Variants in SAMMSON observed in about 807,000 individuals in gnomAD.
SAMMSON encodes the protein long intergenic non-protein coding RNA 1212.
intron 3 of SAMMSON, among the ~76,000 whole-genome samples, chr3:70,022,317 A>C (rs1449322701): frequency 6.6e-6 from 1 of 151,030 alleles, no homozygotes; most frequent in East Asian, 2.0e-4. Flanking sequence ...AGATATACCT[A>C]ATGCTAAATG....
chr3:70,120,330 G>A (rs947660610), intron 4 of SAMMSON: 3 of 152,210 alleles, frequency 2.0e-5, no homozygotes, highest in African/African-American at 4.8e-5. Context: ...TTTAGAAGGC[G>A]AGTCGGTCAG....
chr3:70,299,419 T>G (rs1490961846), intron 7 of SAMMSON, among the ~76,000 whole-genome samples: 1 of 152,114 alleles, frequency 6.6e-6, no homozygotes, highest in Non-Finnish European at 1.5e-5. Flanking sequence ...TTTCATATTC[T>G]AATTTTTCTA....
At chr3:70,191,804 T>C (rs187086438) in intron 4 of SAMMSON, among the ~76,000 whole-genome samples, 6 of 151,924 alleles carry the variant, frequency 3.9e-5, no homozygotes, top group Admixed American at 3.9e-4. Context: ...AATGAACAGA[T>C]TTGGCCTCAA....
At chr3:70,309,945 C>G (rs1285971462) in intron 7 of SAMMSON, among the ~76,000 whole-genome samples, 1 of 151,990 alleles carries the variant, frequency 6.6e-6, no homozygotes, top group African/African-American at 2.4e-5. Flanking sequence ...AATTGATTGG[C>G]CTATCAATTT....
At chr3:70,311,869 A>G in intron 7 of SAMMSON, 1 of 397,694 alleles carries the variant, frequency 2.5e-6, no homozygotes, top group Non-Finnish European at 4.4e-6. Context: ...TAGAAAATCA[A>G]GAGCAAGAAG....
chr3:70,118,714 T>TGTGG (rs1407162647), intron 4 of SAMMSON, among the ~76,000 whole-genome samples: 1 of 152,184 alleles, frequency 6.6e-6, no homozygotes, highest in African/African-American at 2.4e-5. Flanking sequence ...AAACTAATGT[T>TGTGG]GTGGGGACCC....
Position 70,111,925 on chromosome 3 carries a change from C to G in SAMMSON, n.507+40360C>G, listed in dbSNP as rs187926471. 4.6e-5 allele frequency among the ~76,000 whole-genome samples: 7 copies of G among 151,988 alleles called. No homozygotes were observed. The East Asian group carries it at 1.2e-3, about 25-fold the overall frequency. On this transcript the variant is annotated intron_variant and non_coding_transcript_variant, in intron 4 of 9. Coordinates refer to ENST00000642114, the Ensembl canonical transcript of SAMMSON. ...CCCAGAGTCATAGAGAATTGGAAAA[C>G]AAGAAAGGGACATTAAAAGTCTTGA... is the stretch of plus-strand genomic sequence containing the variant.
intron 4 of SAMMSON, among the ~76,000 whole-genome samples, chr3:70,173,166 T>C (rs1700976588): frequency 6.6e-6 from 1 of 151,992 alleles, no homozygotes; most frequent in South Asian, 2.1e-4. Context: ...CTGATAGAGA[T>C]ATTATTACCC....
At chr3:70,245,932 C>T (rs1192422094) in intron 4 of SAMMSON, among the ~76,000 whole-genome samples, 2 of 150,936 alleles carry the variant, frequency 1.3e-5, no homozygotes, top group Non-Finnish European at 3.0e-5. Context: ...TTAGATCATC[C>T]TCTTGCTCTT....
chr3:70,009,519 C>T (rs2066944596), intron 1 of SAMMSON, among the ~76,000 whole-genome samples: 1 of 151,942 alleles, frequency 6.6e-6, no homozygotes, highest in Non-Finnish European at 1.5e-5. Context: ...CTATTTGATT[C>T]TTCTCTCTTT....
intron 3 of SAMMSON, chr3:70,069,092 A>T (rs574937959): frequency 6.6e-6 from 1 of 152,064 alleles, no homozygotes; most frequent in South Asian, 2.1e-4. Flanking sequence ...GGGGATGCCT[A>T]CTGTGGTTAG....
At chr3:70,280,531 C>T (rs1702071837) in intron 6 of SAMMSON, among the ~76,000 whole-genome samples, 1 of 152,116 alleles carries the variant, frequency 6.6e-6, no homozygotes, top group Non-Finnish European at 1.5e-5. Context: ...AGCATTATCT[C>T]TACTTTTGCC....
intron 6 of SAMMSON, among the ~76,000 whole-genome samples, chr3:70,281,588 T>C (rs1218347232): frequency 1.3e-5 from 2 of 152,022 alleles, no homozygotes; most frequent in African/African-American, 4.8e-5. Flanking sequence ...AACAAATTGC[T>C]CTAGTTATGT....
At chr3:70,046,267 A>C (rs886900200) in intron 3 of SAMMSON, among the ~76,000 whole-genome samples, 3 of 152,126 alleles carry the variant, frequency 2.0e-5, no homozygotes, top group Non-Finnish European at 4.4e-5. Context: ...GAAGGTGACC[A>C]ATGAAAATAT....
At chr3:70,341,680 A>G (rs1409599428) in intron 7 of SAMMSON, among the ~76,000 whole-genome samples, 1 of 152,160 alleles carries the variant, frequency 6.6e-6, no homozygotes, top group African/African-American at 2.4e-5. Context: ...TATAAATGTG[A>G]TGCCTGGAGG....
intron 4 of SAMMSON, among the ~76,000 whole-genome samples, chr3:70,075,554 A>G (rs1333600055): frequency 6.6e-6 from 1 of 152,130 alleles, no homozygotes; most frequent in Non-Finnish European, 1.5e-5. Flanking sequence ...GCCACTCTAA[A>G]TTGCTCAGCT....
chr3:70,119,164 T>G (rs1376145526), intron 4 of SAMMSON, among the ~76,000 whole-genome samples: 1 of 152,130 alleles, frequency 6.6e-6, no homozygotes, highest in African/African-American at 2.4e-5. Context: ...CCTCTTGGGT[T>G]CAAGCAATTC....
chr3:70,153,401 C>T (rs1209795043), intron 4 of SAMMSON, among the ~76,000 whole-genome samples: 1 of 151,926 alleles, frequency 6.6e-6, no homozygotes, highest in Non-Finnish European at 1.5e-5. Flanking sequence ...CTGCAAGTCA[C>T]AGAGCATTCT....
chr3:70,165,827 T>A (rs1198399222), intron 4 of SAMMSON, among the ~76,000 whole-genome samples: 2 of 152,118 alleles, frequency 1.3e-5, no homozygotes, highest in East Asian at 3.9e-4. Flanking sequence ...ATTCAATGCA[T>A]CATATTCCCA....
Sources: gnomAD v4.1 joint callset for allele counts (sites outside exome capture counted in the v4.1 genomes callset) on GRCh38, gnomAD v4.1.1 for gene constraint, MANE v1.5 for transcripts, NCBI Gene and HGNC (gene_info 2026-07-23, HGNC 2026-07-21) for gene names.